Variants in TMEM145 observed in about 807,000 individuals in gnomAD.
TMEM145 encodes transmembrane protein 145.
TMEM145 carries 46 observed loss-of-function variants against 68.5 expected under a neutral mutation model. The ratio of observed to expected loss-of-function variants is 0.67; its 90% CI spans 0.53 to 0.86. The LOEUF (loss-of-function observed/expected upper bound fraction) is 0.86, where lower values mean the gene tolerates loss of function less well. TMEM145 is among the 40% of genes least tolerant of loss of function. TMEM145 has a pLI of 0.00. For missense variants in TMEM145, 570 were observed against 645.8 expected, an observed-to-expected ratio of 0.88 and a Z score of 1.27; for synonymous variants, 255 against 280.2, an observed-to-expected ratio of 0.91 and a Z score of 0.90.
intron 14 of TMEM145, 170 bp from the exon 15 acceptor site, chr19:42,324,567 C>G: frequency 2.0e-6 from 2 of 985,252 alleles, no homozygotes; most frequent in Non-Finnish European, 2.4e-6. Context: ...ATGACCGGGC[C>G]CCGGCCGGGC....
At chr19:42,314,408 C>T in intron 2 of TMEM145, 43 bp from the exon 3 acceptor site, 2 of 1,613,698 alleles carry the variant, frequency 1.2e-6, no homozygotes, top group Non-Finnish European at 1.7e-6. Context: ...TCCAAAGGCA[C>T]AGGCTGCCCC....
rs2038822246 is a variant in TMEM145, at chr19:42,313,420, C to CGCTGCTGCTCCT, written c.52_63dup (p.Leu18_Leu21dup). The CGCTGCTGCTCCT allele has an allele frequency of 7.3e-7, 1 of 1,369,862 alleles. No individual in the cohort carries two copies. The highest frequency in any genetic ancestry group is 9.4e-7 in the Non-Finnish European group (1 of 1,059,056). 84.9% of individuals were successfully genotyped at this position (1,369,862 alleles called of 1,614,324 possible). A position where few individuals can be genotyped will look rare whatever the true frequency, so the allele number is the denominator to read the frequency against. ...CCCGCGCTGCGCCGCCTGCTGCCGC[C>CGCTGCTGCTCCT]GCTGCTGCTCCTGCTGCTGTCACTG... On this transcript the variant is annotated inframe_insertion, in exon 1 of 15. Transcript: ENST00000301204. This position sits in a 1 kb window ranked among gnomAD's most constrained non-coding sequence, Gnocchi z 5.1.
In TMEM145 at chr19:42,314,860, A is replaced by C. The variant is rs780275139; in HGVS notation, c.420+9A>C. ...GCCGCAGCTTCCGCTCAGTGCGTGA[A>C]CGGTGGTGGTATATTGCGCTCAGCA... is the stretch of plus-strand genomic sequence containing the variant. On this transcript the variant is annotated intron_variant, in intron 5 of 14. Transcript: ENST00000301204. 6.2e-7 allele frequency: 1 copy of C among 1,614,170 alleles called. No individual in the cohort carries two copies. Among genetic ancestry groups the C allele is most frequent in the African/African-American group, 1.3e-5 (1 of 75,050 alleles).
intron 12 of TMEM145, 75 bp downstream of exon 12, chr19:42,317,956 G>A: frequency 6.5e-7 from 1 of 1,531,086 alleles, no homozygotes; most frequent in South Asian, 1.1e-5. Context: ...CCCCATCTCA[G>A]ACCCTCCATA....
intron 12 of TMEM145, among the ~76,000 whole-genome samples, chr19:42,318,327 C>A (rs2147418349): frequency 6.8e-6 from 1 of 146,212 alleles, no homozygotes; most frequent in African/African-American, 2.6e-5. Context: ...AAGATCGCAC[C>A]ACTGCACTCC....
intron 13 of TMEM145, among the ~76,000 whole-genome samples, chr19:42,320,776 C>T (rs190055861): frequency 6.6e-6 from 1 of 152,110 alleles, no homozygotes; most frequent in East Asian, 1.9e-4. Flanking sequence ...TACAGGTGCC[C>T]ACCACCACAT....
Position 42,320,429 on chromosome 19 carries a change from G to C in TMEM145, c.1186G>C (p.Val396Leu). The change falls in exon 13 of 15, where the codon GTG becomes CTG. Residue 396 changes from valine (V) to leucine (L), a missense_variant. Val to Leu is a conservative substitution (Grantham distance 32, BLOSUM62 1). Transcript: ENST00000301204. Reference sequence around the variant, plus strand: ...GGGGATCCACTTGTACGCCCATGGCGTGTTTCTGGTGAGGATGGGCATCTG... The same window carrying C: ...GGGGATCCACTTGTACGCCCATGGCCTGTTTCTGGTGAGGATGGGCATCTG... ...QLGIHLYAHG[V>L]FLIMTRPSAA... The C allele has an allele frequency of 6.2e-7, 1 of 1,613,940 alleles. No individual in the cohort carries two copies. The highest frequency in any genetic ancestry group is 1.1e-5 in the South Asian group (1 of 91,080).
At position 42,321,454 on chromosome 19, in the gene TMEM145, A is replaced by C. The variant is rs143098601; in HGVS notation, c.1194+1017A>C. 8.2e-3 allele frequency: 1,939 copies of C among 237,408 alleles called. 24 individuals carry two copies. Among genetic ancestry groups the C allele is most frequent in the African/African-American group, 0.037 (1,470 of 39,584 alleles). 14.7% of individuals were successfully genotyped at this position (237,408 alleles called of 1,614,324 possible). A position where few individuals can be genotyped will look rare whatever the true frequency, so the allele number is the denominator to read the frequency against. ...GCCCAGGCTGGAGTGCAGAGGTGCGATCTCGGCTCACTGCAACTTCTGCCT... is the reference window on the plus strand; with the variant it reads ...GCCCAGGCTGGAGTGCAGAGGTGCGCTCTCGGCTCACTGCAACTTCTGCCT... On this transcript the variant is annotated intron_variant, in intron 13 of 14. Coordinates refer to ENST00000301204, the MANE Select transcript of TMEM145 (RefSeq NM_173633.3).
intron 11 of TMEM145, 111 bp downstream of exon 11, chr19:42,317,074 C>CT: frequency 3.6e-6 from 3 of 838,304 alleles, no homozygotes; most frequent in Middle Eastern, 6.5e-4. Context: ...CTGGCTCGCT[C>CT]TCTCTCCCAC....
intron 13 of TMEM145, 30 bp downstream of exon 13, chr19:42,320,467 G>T (rs776140776): frequency 6.2e-7 from 1 of 1,613,036 alleles, no homozygotes; most frequent in East Asian, 2.2e-5. Flanking sequence ...GGGGGTGGAG[G>T]GGAGGACCCG....
At chr19:42,323,886 C>A (rs905209378) in intron 14 of TMEM145, 97 bp downstream of exon 14, 3 of 1,088,590 alleles carry the variant, frequency 2.8e-6, no homozygotes, top group African/African-American at 1.6e-5. Context: ...AGCGCCCGGA[C>A]CCCTGAGCCC....
rs2038958256 is a variant in TMEM145, at chr19:42,324,983, G to A, written c.*166G>A. On this transcript the variant is annotated 3_prime_UTR_variant, in exon 15 of 15. Transcript: ENST00000301204. Reference sequence around the variant, plus strand: ...ACTCCATCTGCCGCATCTCCATTCCGGGGGCCTTCCCTCGGGTCCCTGGCA... The same window carrying A: ...ACTCCATCTGCCGCATCTCCATTCCAGGGGCCTTCCCTCGGGTCCCTGGCA... 3.4e-6 allele frequency: 4 copies of A among 1,164,474 alleles called. No individual in the cohort carries two copies. The highest frequency in any genetic ancestry group is 4.4e-6 in the Non-Finnish European group (4 of 915,044). The allele number at this position is 1,164,474 out of a possible 1,614,324, so 72.1% of individuals were successfully genotyped here.
intron 12 of TMEM145, 30 bp downstream of exon 12, chr19:42,317,911 T>C: frequency 1.2e-6 from 2 of 1,612,478 alleles, no homozygotes; most frequent in Non-Finnish European, 1.7e-6. Flanking sequence ...AGCCTGTCCC[T>C]GCCTCCCTCT....
At chr19:42,322,834 C>T (rs1412371338) in intron 13 of TMEM145, among the ~76,000 whole-genome samples, 1 of 152,022 alleles carries the variant, frequency 6.6e-6, no homozygotes, top group Non-Finnish European at 1.5e-5. Context: ...TCCCAAGTAG[C>T]TGGGATTACA....
rs753930903 is a variant in TMEM145, at chr19:42,323,746, C to T, written c.1358C>T (p.Pro453Leu). Residue 453 changes from proline (P) to leucine (L), a missense_variant, in exon 14 of 15, where the codon CCC (proline) becomes CTC (leucine). Transcript: ENST00000301204. ...GNVTFISDSV[P>L]NFTELFSIPP... ...GTGACGTTTATCAGCGACTCGGTGCCCAACTTCACGGAGCTCTTCTCCATC... is the reference window on the plus strand; with the variant it reads ...GTGACGTTTATCAGCGACTCGGTGCTCAACTTCACGGAGCTCTTCTCCATC... 3.2e-5 allele frequency: 52 copies of T among 1,614,062 alleles called. No individual in the cohort carries two copies. The South Asian group carries it at 5.6e-4, about 17-fold the overall frequency.
At position 42,324,956 on chromosome 19, in the gene TMEM145, G is replaced by T; in HGVS notation, c.*139G>T. The T allele has an allele frequency of 7.9e-7, 1 of 1,259,058 alleles. No homozygotes were observed. The highest frequency in any genetic ancestry group is 1.0e-6 in the Non-Finnish European group (1 of 994,718). The allele number at this position is 1,259,058 out of a possible 1,614,324, so 78.0% of individuals were successfully genotyped here. ...CCCTCGGATCTGTGACCTCGGACCCGTACTCCATCTGCCGCATCTCCATTC... is the reference window on the plus strand; with the variant it reads ...CCCTCGGATCTGTGACCTCGGACCCTTACTCCATCTGCCGCATCTCCATTC... On this transcript the variant is annotated 3_prime_UTR_variant, in exon 15 of 15. Coordinates refer to ENST00000301204, the MANE Select transcript of TMEM145 (RefSeq NM_173633.3).
chr19:42,324,420 C>T (rs2038948627), intron 14 of TMEM145: 2 of 985,288 alleles, frequency 2.0e-6, no homozygotes, highest in African/African-American at 1.7e-5. Flanking sequence ...TGGGACGGCC[C>T]GACGCCGCCC....
At chr19:42,314,909 G>C (rs764026733) in intron 5 of TMEM145, 58 bp downstream of exon 5, 1 of 1,613,976 alleles carries the variant, frequency 6.2e-7, no homozygotes, top group East Asian at 2.2e-5. Flanking sequence ...GGGCTGGGGT[G>C]GCCACCTGGA....
At chr19:42,323,820 C>G in intron 14 of TMEM145, 31 bp downstream of exon 14, 1 of 1,602,396 alleles carries the variant, frequency 6.2e-7, no homozygotes, top group Non-Finnish European at 8.5e-7. Context: ...GCCCGAGGAG[C>G]TGCTGGCGCC....
Sources: allele counts gnomAD v4.1 joint callset (sites outside exome capture counted in the v4.1 genomes callset), GRCh38; gene constraint gnomAD v4.1.1; non-coding constraint Gnocchi (gnomAD v3.1); transcripts MANE v1.5; gene names NCBI Gene and HGNC (gene_info 2026-07-23, HGNC 2026-07-21).